BICC1: variants seen among roughly 807,000 people sequenced by gnomAD.
The protein encoded by BICC1 is BicC family RNA binding protein 1.
Under a neutral mutation model 111.0 loss-of-function variants are expected in BICC1, and 43 were observed. The ratio of observed to expected loss-of-function variants is 0.39; its 90% CI spans 0.30 to 0.50. BICC1 has a LOEUF of 0.50. Ranked by LOEUF, BICC1 falls within the 20% of genes least tolerant of loss-of-function variation. The probability of loss-of-function intolerance (pLI) is 0.88; values close to 1 mark genes in which losing one functional copy is unlikely to be tolerated. For missense variants in BICC1, 1,091 were observed against 1,203.2 expected, an observed-to-expected ratio of 0.91 and a Z score of 1.38; for synonymous variants, 467 against 434.4, an observed-to-expected ratio of 1.07 and a Z score of -0.93.
chr10:58,580,424 C>T (rs1463722271), intron 1 of BICC1, among the ~76,000 whole-genome samples: 2 of 152,088 alleles, frequency 1.3e-5, no homozygotes, highest in Non-Finnish European at 2.9e-5. Context: ...TGACATGATG[C>T]TCAAAGGAAA....
chr10:58,616,161 T>C (rs1205479727), intron 1 of BICC1, among the ~76,000 whole-genome samples: 1 of 152,170 alleles, frequency 6.6e-6, no homozygotes, highest in Non-Finnish European at 1.5e-5. Context: ...GGCCTGGGGC[T>C]GTCGTCTCAG....
rs558752908 is a variant in BICC1 at position 58,617,030 on chromosome 10, A to G, written c.191-3825A>G. 1.2e-4 allele frequency among the ~76,000 whole-genome samples: 18 copies of G among 152,354 alleles called. No individual in the cohort carries two copies. The South Asian group carries it at 2.1e-3, about 18-fold the overall frequency. On this transcript the variant is annotated intron_variant, in intron 1 of 20. Coordinates refer to ENST00000373886, the MANE Select transcript of BICC1 (RefSeq NM_001080512.3). ...GACCAGGGGTACCTGTTTGAGCTGGATGTGCATGTGACCACAGATAGTTTT... is the reference window on the plus strand; with the variant it reads ...GACCAGGGGTACCTGTTTGAGCTGGGTGTGCATGTGACCACAGATAGTTTT...
intron 1 of BICC1, among the ~76,000 whole-genome samples, chr10:58,552,117 A>AT (rs1843310954): frequency 4.0e-5 from 6 of 151,338 alleles, no homozygotes. Context: ...TGTAAAAAAA[A>AT]CCAGTCTACT....
intron 2 of BICC1, among the ~76,000 whole-genome samples, chr10:58,657,792 T>G (rs1282941167): frequency 1.0e-5 from 1 of 99,576 alleles, no homozygotes; most frequent in Non-Finnish European, 2.0e-5. Flanking sequence ...CCAATTGATA[T>G]ATAAAGATCA....
At chr10:58,755,174 T>C (rs1052562520) in intron 3 of BICC1, among the ~76,000 whole-genome samples, 2 of 152,176 alleles carry the variant, frequency 1.3e-5, no homozygotes, top group African/African-American at 2.4e-5. Flanking sequence ...TTCATTTAAA[T>C]CAAGTATAAA....
chr10:58,542,167 CAA>C (rs796757686), intron 1 of BICC1, among the ~76,000 whole-genome samples: 1 of 91,534 alleles, frequency 1.1e-5, no homozygotes, highest in African/African-American at 3.7e-5. Context: ...AAAAAAAAAA[CAA>C]AAAAAAAAAC....
intron 1 of BICC1, among the ~76,000 whole-genome samples, chr10:58,515,772 T>G (rs966651939): frequency 6.6e-6 from 1 of 152,182 alleles, no homozygotes; most frequent in African/African-American, 2.4e-5. Flanking sequence ...TTTTAGGTTT[T>G]GGGAGAATCG....
At chr10:58,708,012 T>TTTTTTTGTATTTTTAGTAGAGACAGGG (rs1286786618) in intron 3 of BICC1, among the ~76,000 whole-genome samples, 3 of 144,240 alleles carry the variant, frequency 2.1e-5, no homozygotes, top group Non-Finnish European at 4.6e-5. Context: ...ATTTTTTTTT[T>TTTTTTTGTATTTTTAGTAGAGACAGGG]TTTGTATTTT....
At chr10:58,662,487 T>C (rs1314650513) in intron 2 of BICC1, among the ~76,000 whole-genome samples, 1 of 152,160 alleles carries the variant, frequency 6.6e-6, no homozygotes, top group Non-Finnish European at 1.5e-5. Flanking sequence ...TAAGTCTCCA[T>C]AGCAAGCATC....
At chr10:58,761,360 G>A (rs1230762832) in intron 3 of BICC1, among the ~76,000 whole-genome samples, 2 of 152,158 alleles carry the variant, frequency 1.3e-5, no homozygotes, top group Admixed American at 6.5e-5. Flanking sequence ...GTTTAAAATC[G>A]ATGTGAGAGA....
At chr10:58,651,799 A>C (rs1193961008) in intron 2 of BICC1, among the ~76,000 whole-genome samples, 1 of 152,056 alleles carries the variant, frequency 6.6e-6, no homozygotes, top group Non-Finnish European at 1.5e-5. Context: ...TATTTCCCCA[A>C]ATTTATAGTG....
intron 1 of BICC1, among the ~76,000 whole-genome samples, chr10:58,518,589 TTGGGG>T (rs1564468212): frequency 0.011 from 1,210 of 105,676 alleles, 69 homozygotes; most frequent in African/African-American, 0.039. Context: ...TATGTGTGTG[TTGGGG>T]GGGGGGGGGT....
chr10:58,613,169 A>G (rs1845488640), intron 1 of BICC1, among the ~76,000 whole-genome samples: 1 of 152,238 alleles, frequency 6.6e-6, no homozygotes. Flanking sequence ...TTTCAGTAGT[A>G]TTGAAGTAAT....
At chr10:58,788,519 T>C (rs1843079292) in intron 6 of BICC1, 96 bp downstream of exon 6, 2 of 804,560 alleles carry the variant, frequency 2.5e-6, no homozygotes, top group Non-Finnish European at 4.0e-6. Flanking sequence ...TATAACCGAA[T>C]CATGTTCAAT....
intron 3 of BICC1, among the ~76,000 whole-genome samples, chr10:58,713,749 G>A (rs1404987347): frequency 2.0e-5 from 3 of 152,150 alleles, no homozygotes; most frequent in Non-Finnish European, 2.9e-5. Flanking sequence ...AAAAAGAAAG[G>A]CAATCTTGGG....
At chr10:58,680,138 C>G (rs1175937434) in intron 2 of BICC1, among the ~76,000 whole-genome samples, 1 of 152,196 alleles carries the variant, frequency 6.6e-6, no homozygotes, top group African/African-American at 2.4e-5. Context: ...CAAGGATGCC[C>G]TTCGTCACCA....
intron 1 of BICC1, among the ~76,000 whole-genome samples, chr10:58,567,688 C>CT (rs1843812609): frequency 2.0e-5 from 3 of 151,940 alleles, no homozygotes; most frequent in Admixed American, 6.6e-5. Flanking sequence ...TAGCTAAGAC[C>CT]TTAGACAGCC....
intron 1 of BICC1, among the ~76,000 whole-genome samples, chr10:58,612,415 A>G (rs1185225269): frequency 7.9e-5 from 12 of 152,216 alleles, no homozygotes; most frequent in Admixed American, 7.9e-4. Context: ...AACAGTTAAT[A>G]TACAGAATAA....
chr10:58,737,692 C>T (rs534994232), intron 3 of BICC1, among the ~76,000 whole-genome samples: 1 of 152,242 alleles, frequency 6.6e-6, no homozygotes, highest in Non-Finnish European at 1.5e-5. Context: ...CCACAATGGT[C>T]GAACTAGTTT....
Sources: allele counts gnomAD v4.1 joint callset (sites outside exome capture counted in the v4.1 genomes callset), GRCh38; gene constraint gnomAD v4.1.1; transcripts MANE v1.5; gene names NCBI Gene and HGNC (gene_info 2026-07-23, HGNC 2026-07-21).